DIP2C: variants seen among roughly 807,000 people sequenced by gnomAD.
DIP2C encodes disco-interacting protein 2 homolog C.
In DIP2C, 33 loss-of-function variants were observed where a neutral mutation model predicts 192.4. That is an observed-to-expected ratio of 0.17 (90% CI 0.13 to 0.23). The LOEUF (loss-of-function observed/expected upper bound fraction) is 0.23. Among genes scored for constraint, DIP2C ranks in the 10% least tolerant of loss-of-function variants. The probability of loss-of-function intolerance (pLI) is 1.00; values close to 1 mark genes in which losing one functional copy is unlikely to be tolerated. For synonymous variants in DIP2C, 979 were observed against 864.1 expected, an observed-to-expected ratio of 1.13 and a Z score of -2.33; for missense variants, 1,537 against 2,110.1, an observed-to-expected ratio of 0.73 and a Z score of 5.32.
intron 1 of DIP2C, among the ~76,000 whole-genome samples, chr10:677,789 C>T (rs890731034): frequency 3.3e-5 from 5 of 152,188 alleles, no homozygotes; most frequent in African/African-American, 9.7e-5. Context: ...GCCAGGTGTC[C>T]AGCCAGTGAG....
chr10:538,096 G>A (rs6560850), intron 1 of DIP2C, among the ~76,000 whole-genome samples: 2 of 151,906 alleles, frequency 1.3e-5, no homozygotes, highest in Non-Finnish European at 2.9e-5. Context: ...GGCTGTGAAT[G>A]TATTTTAAAT....
At chr10:538,557 C>G (rs148819398) in intron 1 of DIP2C, among the ~76,000 whole-genome samples, 28 of 152,268 alleles carry the variant, frequency 1.8e-4, no homozygotes, top group African/African-American at 6.3e-4. Flanking sequence ...GGTTCAGGGT[C>G]TCAACGTGGA....
intron 1 of DIP2C, among the ~76,000 whole-genome samples, chr10:674,301 G>A (rs1246626403): frequency 6.6e-6 from 1 of 152,186 alleles, no homozygotes; most frequent in African/African-American, 2.4e-5. Context: ...AAGTGAGCAA[G>A]AGTAGCTATA....
chr10:441,061 CCTCT>C, intron 3 of DIP2C, 65 bp from the exon 4 acceptor site: 2 of 1,541,312 alleles, frequency 1.3e-6, no homozygotes, highest in Non-Finnish European at 1.7e-6. Flanking sequence ...GCTGCACCCT[CCTCT>C]CTGTCCCTGC....
chr10:614,546 G>T (rs545069964), intron 1 of DIP2C, among the ~76,000 whole-genome samples: 3 of 152,216 alleles, frequency 2.0e-5, no homozygotes, highest in Admixed American at 2.0e-4. Flanking sequence ...AGGCACAGCC[G>T]TGCAAGAGAA....
At chr10:596,567 C>G (rs776214060) in intron 1 of DIP2C, among the ~76,000 whole-genome samples, 1 of 150,326 alleles carries the variant, frequency 6.7e-6, no homozygotes, top group Non-Finnish European at 1.5e-5. Context: ...ATTCTGCCAC[C>G]GAGGTATCCT....
chr10:518,788 T>TC (rs1239213743), intron 1 of DIP2C, among the ~76,000 whole-genome samples: 2 of 152,184 alleles, frequency 1.3e-5, no homozygotes. Context: ...GCTACTCCCC[T>TC]CTTCCAGAAA....
chr10:425,597 G>GATA (rs1288835944), intron 4 of DIP2C, among the ~76,000 whole-genome samples: 1 of 129,314 alleles, frequency 7.7e-6, no homozygotes, highest in African/African-American at 2.9e-5. Context: ...TGAAATGGAT[G>GATA]CAGCATGACC....
chr10:685,375 G>A (rs12146216), intron 1 of DIP2C, among the ~76,000 whole-genome samples: 1 of 151,814 alleles, frequency 6.6e-6, no homozygotes, highest in African/African-American at 2.4e-5. Flanking sequence ...TAGCAGAGCA[G>A]AGCATGGAGG....
At chr10:506,878 C>T (rs552625294) in intron 1 of DIP2C, among the ~76,000 whole-genome samples, 3 of 152,346 alleles carry the variant, frequency 2.0e-5, no homozygotes, top group Admixed American at 1.3e-4. Context: ...CATGGTCACA[C>T]ACTGTGCACA....
chr10:291,907 C>T (rs1000467366), intron 32 of DIP2C, among the ~76,000 whole-genome samples: 3 of 152,162 alleles, frequency 2.0e-5, no homozygotes, highest in African/African-American at 7.2e-5. Flanking sequence ...ACTCCGGGAG[C>T]CAGAGGGGAG....
At chr10:454,662 A>C (rs766383320) in intron 3 of DIP2C, among the ~76,000 whole-genome samples, 1 of 148,078 alleles carries the variant, frequency 6.8e-6, no homozygotes, top group African/African-American at 2.6e-5. Flanking sequence ...CAAATGCACC[A>C]TCTATGCTTG....
At chr10:378,090 G>A (rs539155947) in intron 17 of DIP2C, among the ~76,000 whole-genome samples, 126 of 152,178 alleles carry the variant, frequency 8.3e-4, no homozygotes, top group South Asian at 2.5e-3. Flanking sequence ...CTTGCAATTT[G>A]TCCTTTAAAA....
At chr10:654,469 G>T (rs888872263) in intron 1 of DIP2C, among the ~76,000 whole-genome samples, 1 of 152,168 alleles carries the variant, frequency 6.6e-6, no homozygotes, top group Non-Finnish European at 1.5e-5. Flanking sequence ...ATAGCGTGGA[G>T]GGCACTGTAG....
chr10:689,604 G>T lies in DIP2C; in HGVS notation c.-26C>A. 1 of 1,117,810 alleles carries T rather than the reference G, an allele frequency of 8.9e-7. No homozygotes were observed. Among genetic ancestry groups the T allele is most frequent in the Non-Finnish European group, 1.1e-6 (1 of 913,252 alleles). 69.2% of individuals were successfully genotyped at this position (1,117,810 alleles called of 1,614,324 possible). A position where few individuals can be genotyped will look rare whatever the true frequency, so the allele number is the denominator to read the frequency against. ...GCTCCGCGGGCGCCGCGCCCCGCAC[G>T]GCCTCCTCTTTGTTCGCAGGCGGAG... On this transcript the variant is annotated 5_prime_UTR_variant, in exon 1 of 37. Transcript: ENST00000280886. This position sits in a 1 kb window ranked among gnomAD's most constrained non-coding sequence, Gnocchi z 6.1.
chr10:560,811 G>A (rs532778593), intron 1 of DIP2C, among the ~76,000 whole-genome samples: 1 of 152,074 alleles, frequency 6.6e-6, no homozygotes, highest in Non-Finnish European at 1.5e-5. Context: ...TGATCGGTGG[G>A]GGGTGGGACT....
intron 32 of DIP2C, among the ~76,000 whole-genome samples, chr10:307,307 T>C (rs1055222171): frequency 6.6e-6 from 1 of 152,254 alleles, no homozygotes; most frequent in Admixed American, 6.5e-5. Context: ...AGCTGACTTC[T>C]GACCTGTGTG....
At chr10:524,166 T>C (rs958037036) in intron 1 of DIP2C, among the ~76,000 whole-genome samples, 18 of 152,136 alleles carry the variant, frequency 1.2e-4, no homozygotes, top group African/African-American at 4.1e-4. Flanking sequence ...GGGCAGCTTC[T>C]ACCCCAGGGA....
chr10:605,093 T>G (rs1267250164), intron 1 of DIP2C, among the ~76,000 whole-genome samples: 1 of 152,230 alleles, frequency 6.6e-6, no homozygotes, highest in Non-Finnish European at 1.5e-5. Context: ...CATGCGTGCC[T>G]GAGGTCCAGG....
Sources: gnomAD v4.1 joint callset for allele counts (sites outside exome capture counted in the v4.1 genomes callset) on GRCh38, gnomAD v4.1.1 for gene constraint, Gnocchi (gnomAD v3.1) non-coding constraint, MANE v1.5 for transcripts, NCBI Gene and HGNC (gene_info 2026-07-23, HGNC 2026-07-21) for gene names.